The following UVRAG variants were observed in gnomAD, a reference collection of about 807,000 sequenced individuals.
The protein encoded by UVRAG is UV radiation resistance associated, also known as UV radiation resistance-associated gene protein.
UVRAG carries 19 observed loss-of-function variants against 78.0 expected under a neutral mutation model. The observed-to-expected ratio is 0.24, with a 90% CI of 0.17 to 0.36. UVRAG has a LOEUF of 0.36. Among genes scored for constraint, UVRAG ranks in the 10% least tolerant of loss-of-function variants. UVRAG has a pLI of 1.00. For synonymous variants in UVRAG, 323 were observed against 324.6 expected (o/e 1.00, Z 0.05); for missense variants, 740 against 853.8 (o/e 0.87, Z 1.66).
chr11:76,061,615 C>T (rs779838175), intron 12 of UVRAG, among the ~76,000 whole-genome samples: 37 of 151,938 alleles, frequency 2.4e-4, no homozygotes, highest in Admixed American at 5.2e-4. Context: ...ACCTTAAGAG[C>T]TGTAACACTC....
chr11:75,950,307 C>T (rs764803763), intron 6 of UVRAG, among the ~76,000 whole-genome samples: 9 of 152,142 alleles, frequency 5.9e-5, no homozygotes, highest in Non-Finnish European at 1.3e-4. Context: ...TCACCAGGCT[C>T]GGAGTGCAGT....
intron 6 of UVRAG, among the ~76,000 whole-genome samples, chr11:75,943,625 C>A (rs537894353): frequency 6.6e-6 from 1 of 152,066 alleles, no homozygotes; most frequent in South Asian, 2.1e-4. Flanking sequence ...CTATAACTGT[C>A]GCTTCATCAG....
At chr11:75,915,248 A>AG (rs1405857982) in intron 6 of UVRAG, 1 of 152,030 alleles carries the variant, frequency 6.6e-6, no homozygotes, top group Non-Finnish European at 1.5e-5. Context: ...CACTGCAGAG[A>AG]GAAAAAAAAA....
In UVRAG at chr11:76,065,752, T is replaced by C. The variant is rs1246862428; in HGVS notation, c.1269T>C (p.Asp423=). 1 of 1,613,990 alleles carries C rather than the reference T, an allele frequency of 6.2e-7. No individual in the cohort carries two copies. Among genetic ancestry groups the C allele is most frequent in the Non-Finnish European group, 8.5e-7 (1 of 1,179,972 alleles). Reference sequence around the variant, plus strand: ...AAGGAGGGGAGAAGTTGCAGTTTGATTATGGTGTCTATCTTCTGAACAAAA... The same window carrying C: ...AAGGAGGGGAGAAGTTGCAGTTTGACTATGGTGTCTATCTTCTGAACAAAA... ...YPKGGEKLQF[D]YGVYLLNKNI... is the part of the protein sequence containing the mutation. Residue 423 remains aspartate (D), a synonymous_variant, in exon 13 of 15, where the codon GAT becomes GAC. Transcript: ENST00000356136.
At chr11:76,113,319 G>C (rs563445506) in intron 13 of UVRAG, among the ~76,000 whole-genome samples, 2 of 152,080 alleles carry the variant, frequency 1.3e-5, no homozygotes, top group East Asian at 3.9e-4. Context: ...ATAATGTATG[G>C]GAAAGGGGAT....
chr11:75,895,207 C>T (rs1204856464), intron 5 of UVRAG, among the ~76,000 whole-genome samples: 1 of 152,176 alleles, frequency 6.6e-6, no homozygotes, highest in Non-Finnish European at 1.5e-5. Flanking sequence ...TTCTTTTTTA[C>T]ATTAGCTGTG....
At chr11:75,827,375 T>G (rs1410589968) in intron 1 of UVRAG, among the ~76,000 whole-genome samples, 1 of 152,130 alleles carries the variant, frequency 6.6e-6, no homozygotes, top group Non-Finnish European at 1.5e-5. Flanking sequence ...ACTGGGAGGC[T>G]GAGGCAGGTG....
chr11:75,818,900 G>T (rs1265042212), intron 1 of UVRAG, among the ~76,000 whole-genome samples: 1 of 152,070 alleles, frequency 6.6e-6, no homozygotes, highest in Non-Finnish European at 1.5e-5. Context: ...GTCAACCTTG[G>T]GACTGTTGAC....
intron 13 of UVRAG, among the ~76,000 whole-genome samples, chr11:76,069,406 C>T (rs1227799035): frequency 6.6e-6 from 1 of 152,156 alleles, no homozygotes; most frequent in Non-Finnish European, 1.5e-5. Context: ...TAGAAATAGC[C>T]TTCCTTCTTG....
intron 3 of UVRAG, among the ~76,000 whole-genome samples, chr11:75,877,497 G>T (rs1946818219): frequency 6.8e-6 from 1 of 147,622 alleles, no homozygotes; most frequent in African/African-American, 2.5e-5. Context: ...GGGGCGGCTG[G>T]CTGGGCGGGG....
At chr11:75,871,146 T>C (rs1946638638) in intron 3 of UVRAG, among the ~76,000 whole-genome samples, 1 of 152,144 alleles carries the variant, frequency 6.6e-6, no homozygotes, top group South Asian at 2.1e-4. Context: ...AGTGCTGGGA[T>C]TACAAGCATG....
intron 4 of UVRAG, among the ~76,000 whole-genome samples, chr11:75,882,509 T>C (rs567455839): frequency 6.7e-6 from 1 of 149,478 alleles, no homozygotes; most frequent in Admixed American, 6.6e-5. Flanking sequence ...TGAGACTCTA[T>C]CTCAAAAAAA....
intron 1 of UVRAG, among the ~76,000 whole-genome samples, chr11:75,828,190 G>T (rs997384303): frequency 6.6e-6 from 1 of 152,088 alleles, no homozygotes; most frequent in Non-Finnish European, 1.5e-5. Context: ...TTGTTTTCAT[G>T]AATTGACTTA....
chr11:76,038,600 A>C (rs1309454951), intron 12 of UVRAG, among the ~76,000 whole-genome samples: 1 of 152,216 alleles, frequency 6.6e-6, no homozygotes, highest in Non-Finnish European at 1.5e-5. Context: ...ACAGATACTG[A>C]GAGATGAATG....
At chr11:75,925,384 A>G (rs143894661) in intron 6 of UVRAG, among the ~76,000 whole-genome samples, 85 of 152,340 alleles carry the variant, frequency 5.6e-4, no homozygotes, top group African/African-American at 1.9e-3. Context: ...CCTTGGAGTA[A>G]CTTTTGTTCT....
rs74593855 is a variant in UVRAG at position 76,067,921 on chromosome 11, T to C, written c.1305+2133T>C. Among the ~76,000 whole-genome samples, 1,091 of 152,258 alleles carry C rather than the reference T, an allele frequency of 7.2e-3. 13 individuals carry two copies. Among genetic ancestry groups the C allele is most frequent in the African/African-American group, 0.025 (1,036 of 41,522 alleles). On this transcript the variant is annotated intron_variant, in intron 13 of 14. Coordinates refer to ENST00000356136, the MANE Select transcript of UVRAG (RefSeq NM_003369.4). The stretch of plus-strand genomic sequence containing the variant: ...AGTAGAACTAAGTTCTGATTTGAGT[T>C]CAGAACTTCTCTTCTTGCCCTATTT...
At chr11:75,817,871 C>G (rs754629379) in intron 1 of UVRAG, among the ~76,000 whole-genome samples, 25 of 149,566 alleles carry the variant, frequency 1.7e-4, no homozygotes, top group Non-Finnish European at 2.7e-4. Flanking sequence ...TGCTGAAACC[C>G]TGTCTCTACT....
At chr11:75,857,984 T>A (rs1244776907) in intron 2 of UVRAG, among the ~76,000 whole-genome samples, 2 of 152,132 alleles carry the variant, frequency 1.3e-5, no homozygotes, top group Non-Finnish European at 2.9e-5. Flanking sequence ...ATTTGATTAT[T>A]GTATGTCTCT....
intron 6 of UVRAG, among the ~76,000 whole-genome samples, chr11:75,920,034 TTTTTTTTTTG>T (rs1354744622): frequency 3.2e-5 from 4 of 124,792 alleles, no homozygotes; most frequent in African/African-American, 1.0e-4. Context: ...TTTTTTTTTT[TTTTTTTTTTG>T]GGACGAAGTC....
Sources: allele counts gnomAD v4.1 joint callset (sites outside exome capture counted in the v4.1 genomes callset), GRCh38; gene constraint gnomAD v4.1.1; transcripts MANE v1.5; gene names NCBI Gene and HGNC (gene_info 2026-07-23, HGNC 2026-07-21).